Variants in CDKL1 observed in about 807,000 individuals in gnomAD.
CDKL1 encodes the protein cyclin dependent kinase like 1, also known as cyclin-dependent kinase-like 1.
In CDKL1, 41 loss-of-function variants were observed where a neutral mutation model predicts 42.0. That is an observed-to-expected ratio of 0.98 (90% confidence interval 0.76 to 1.27). CDKL1 has a LOEUF of 1.27. CDKL1 is among the 50% of genes most tolerant of loss of function. The pLI, the probability that CDKL1 is intolerant of heterozygous loss-of-function variation, is 0.00. For synonymous variants in CDKL1, 153 were observed against 158.6 expected (o/e 0.96, Z 0.26); for missense variants, 394 against 428.4 (o/e 0.92, Z 0.71).
intron 2 of CDKL1, among the ~76,000 whole-genome samples, chr14:50,388,627 C>G (rs2035157690): frequency 6.6e-6 from 1 of 152,194 alleles, no homozygotes. Context: ...GCTCTTGCAT[C>G]CTTGAGGCTG....
At position 50,365,541 on chromosome 14, in the gene CDKL1, C is replaced by G. The variant is rs1461597414; in HGVS notation, c.169-6392G>C. Among the ~76,000 whole-genome samples, 7 of 152,226 alleles carry G rather than the reference C, an allele frequency of 4.6e-5. No homozygotes were observed. The South Asian group carries it at 1.5e-3, about 32-fold the overall frequency. On this transcript the variant is annotated intron_variant, in intron 2 of 9. Coordinates refer to ENST00000395834, the MANE Select transcript of CDKL1 (RefSeq NM_004196.7). ...CAGGATTCCAGGTGACCCGAAAATA[C>G]TCCAGAGCAGCAGATATGTGGTCTG...
At chr14:50,358,004 C>A in intron 3 of CDKL1, 2 of 1,323,480 alleles carry the variant, frequency 1.5e-6, no homozygotes, top group South Asian at 2.3e-5. Flanking sequence ...TGGGTGGGAG[C>A]TGGAATCCAG....
chr14:50,329,854 A>C lies in CDKL1; in HGVS notation c.*220T>G. 5.8e-6 allele frequency: 3 copies of C among 516,646 alleles called. No individual in the cohort carries two copies. Among genetic ancestry groups the C allele is most frequent in the Non-Finnish European group, 1.0e-5 (3 of 300,680 alleles). The allele number at this position is 516,646 out of a possible 1,614,324, so 32.0% of individuals were successfully genotyped here. ...TTACATAAACTGAAATACAAGTGCAACTCCAAACAGGTTTTTTCTTTTCTG... is the reference window on the plus strand; with the variant it reads ...TTACATAAACTGAAATACAAGTGCACCTCCAAACAGGTTTTTTCTTTTCTG... On this transcript the variant is annotated 3_prime_UTR_variant, in exon 10 of 10. Coordinates refer to ENST00000395834, the MANE Select transcript of CDKL1 (RefSeq NM_004196.7).
rs781690760 is a variant in CDKL1, at chr14:50,341,173, G to C, written c.514C>G (p.Leu172Val). The change falls in exon 6 of 10, where the codon CTG becomes GTG. Residue 172 changes from leucine to valine, a missense_variant. Physicochemically the swap from Leu to Val is conservative, Grantham distance 32 (BLOSUM62 1). Transcript: ENST00000395834. ...CCGTACTGCGTGTCCCCCACCAGCA[G>C]CTCAGGGGAGCGGTACCACCTGGTA... The part of the protein sequence containing the change: ...VATRWYRSPE[L>V]LVGDTQYGPP... 1 of 1,614,160 alleles carries C rather than the reference G, an allele frequency of 6.2e-7. No homozygotes were observed. Among genetic ancestry groups the C allele is most frequent in the Non-Finnish European group, 8.5e-7 (1 of 1,180,040 alleles).
chr14:50,387,245 G>C (rs1278790035), intron 2 of CDKL1, among the ~76,000 whole-genome samples: 3 of 149,400 alleles, frequency 2.0e-5, no homozygotes, highest in Non-Finnish European at 4.4e-5. Flanking sequence ...TGGTGGGCCT[G>C]ATGCGGTGAC....
At chr14:50,355,852 AC>A (rs377341632) in intron 3 of CDKL1, among the ~76,000 whole-genome samples, 11 of 152,196 alleles carry the variant, frequency 7.2e-5, no homozygotes, top group African/African-American at 2.7e-4. Flanking sequence ...CATGTCCTGA[AC>A]CTAGAATGCA....
At chr14:50,340,497 C>G (rs1165876367) in intron 6 of CDKL1, among the ~76,000 whole-genome samples, 1 of 152,096 alleles carries the variant, frequency 6.6e-6, no homozygotes, top group African/African-American at 2.4e-5. Context: ...TGCCCTTCCC[C>G]TCCGCCTCCA....
Position 50,329,810 on chromosome 14 carries a change from T to C in CDKL1, c.*264A>G. 5.1e-6 allele frequency: 2 copies of C among 389,940 alleles called. No individual in the cohort carries two copies. Among genetic ancestry groups the C allele is most frequent in the Non-Finnish European group, 9.3e-6 (2 of 214,842 alleles). 24.2% of individuals were successfully genotyped at this position (389,940 alleles called of 1,614,324 possible). On this transcript the variant is annotated 3_prime_UTR_variant, in exon 10 of 10. Coordinates refer to ENST00000395834, the MANE Select transcript of CDKL1 (RefSeq NM_004196.7). The stretch of plus-strand genomic sequence containing the variant: ...CAGAGGTATGGGACAGTTCATATTC[T>C]GTCCATAAGTTCGGCTACTTACATA...
At chr14:50,388,907 G>A (rs1566612235) in intron 2 of CDKL1, among the ~76,000 whole-genome samples, 2 of 151,804 alleles carry the variant, frequency 1.3e-5, no homozygotes, top group African/African-American at 4.8e-5. Flanking sequence ...AGACCAGCCC[G>A]GACAACACAG....
rs546282273 is a variant in CDKL1 at position 50,346,693 on chromosome 14, C to A, written c.291-1635G>T. 2.9e-4 allele frequency among the ~76,000 whole-genome samples: 43 copies of A among 149,924 alleles called. 1 individual carries two copies. The highest frequency in any genetic ancestry group is 1.9e-3 in the Admixed American group (28 of 15,028). ...TGAGATGGAGTCTTGCTCTGTCACC[C>A]AGGCTAAAGTGCAGTGGTACAATCT... On this transcript the variant is annotated intron_variant, in intron 3 of 9. Coordinates refer to ENST00000395834, the MANE Select transcript of CDKL1 (RefSeq NM_004196.7).
At chr14:50,374,073 T>C (rs1375004972) in intron 2 of CDKL1, among the ~76,000 whole-genome samples, 2 of 152,210 alleles carry the variant, frequency 1.3e-5, no homozygotes, top group African/African-American at 4.8e-5. Context: ...TACATTCATA[T>C]AACGTGATAT....
At chr14:50,397,209 T>TC (rs1399665340), upstream of CDKL1, 18 of 1,366,564 alleles carry the variant, frequency 1.3e-5, no homozygotes, top group Non-Finnish European at 1.7e-5. Context: ...GCAACAGCAG[T>TC]CCCCACACCT....
At chr14:50,335,408 G>T in intron 7 of CDKL1, 1 of 1,374,604 alleles carries the variant, frequency 7.3e-7, no homozygotes, top group Non-Finnish European at 1.0e-6. Flanking sequence ...TGATTTTCTG[G>T]AATAAACACT....
intron 2 of CDKL1, chr14:50,378,268 G>C (rs751825554): frequency 7.3e-7 from 1 of 1,366,464 alleles, no homozygotes; most frequent in Admixed American, 1.9e-5. Context: ...CTCCTTCTAG[G>C]GCCCACGGAC....
intron 2 of CDKL1, chr14:50,378,260 C>T: frequency 7.3e-7 from 1 of 1,366,536 alleles, no homozygotes; most frequent in Non-Finnish European, 9.8e-7. Context: ...TACCCCACCT[C>T]CTTCTAGGGC....
At chr14:50,365,168 T>C (rs536284595) in intron 2 of CDKL1, among the ~76,000 whole-genome samples, 1 of 152,248 alleles carries the variant, frequency 6.6e-6, no homozygotes, top group Admixed American at 6.5e-5. Flanking sequence ...TCCAAAAGGA[T>C]TGTGAATATT....
chr14:50,340,223 T>C (rs2033462196), intron 6 of CDKL1, among the ~76,000 whole-genome samples: 1 of 152,138 alleles, frequency 6.6e-6, no homozygotes, highest in Non-Finnish European at 1.5e-5. Flanking sequence ...TCAGCAAACA[T>C]TTATTGCCTA....
At chr14:50,396,604 G>T in intron 1 of CDKL1, 1 of 314,796 alleles carries the variant, frequency 3.2e-6, no homozygotes, top group Non-Finnish European at 4.6e-6. Context: ...CTAATTTCGG[G>T]TCTCATTTCC....
intron 2 of CDKL1, among the ~76,000 whole-genome samples, chr14:50,374,397 G>A (rs1377820127): frequency 3.3e-5 from 5 of 152,234 alleles, no homozygotes; most frequent in Admixed American, 3.3e-4. Flanking sequence ...ACGACACAAT[G>A]TGTGAACCTT....
Sources: gnomAD v4.1 joint callset for allele counts (sites outside exome capture counted in the v4.1 genomes callset) on GRCh38, gnomAD v4.1.1 for gene constraint, MANE v1.5 for transcripts, NCBI Gene and HGNC (gene_info 2026-07-23, HGNC 2026-07-21) for gene names.